EMCN: variants seen among roughly 807,000 people sequenced by gnomAD.
The protein encoded by EMCN is MUC-14.
EMCN carries 37 observed loss-of-function variants against 38.4 expected under a neutral mutation model. The observed-to-expected ratio is 0.96, with a 90% CI of 0.74 to 1.27. The LOEUF is 1.27. Among genes scored for constraint, EMCN ranks in the 50% most tolerant of loss-of-function variants. The pLI is 0.00. For synonymous variants in EMCN, 95 were observed against 100.8 expected (o/e 0.94, Z 0.35); for missense variants, 318 against 302.8 (o/e 1.05, Z -0.37).
intron 9 of EMCN, among the ~76,000 whole-genome samples, 198 bp from the exon 10 acceptor site, chr4:100,416,157 C>A (rs147953054): frequency 2.3e-4 from 35 of 151,728 alleles, no homozygotes; most frequent in Admixed American, 1.6e-3. Context: ...TTTGTCTTTT[C>A]ACATACAAAT....
At chr4:100,398,555 G>GA (rs1319270026) in intron 11 of EMCN, among the ~76,000 whole-genome samples, 182 bp from the exon 12 acceptor site, 1 of 152,024 alleles carries the variant, frequency 6.6e-6, no homozygotes, top group Admixed American at 6.6e-5. Context: ...TGACATATCT[G>GA]AAAAGAAAAG....
chr4:100,425,149 G>GCGCACACACACACA (rs1553927262), intron 5 of EMCN, among the ~76,000 whole-genome samples: 1 of 141,140 alleles, frequency 7.1e-6, no homozygotes, highest in African/African-American at 2.7e-5. Context: ...TCTGAATCCA[G>GCGCACACACACACA]CACACACACA....
intron 11 of EMCN, among the ~76,000 whole-genome samples, chr4:100,408,192 C>T (rs1011641376): frequency 2.0e-5 from 3 of 152,148 alleles, no homozygotes; most frequent in Admixed American, 2.0e-4. Flanking sequence ...ATCTTCATTG[C>T]CATCCAGATT....
intron 11 of EMCN, among the ~76,000 whole-genome samples, chr4:100,402,183 T>G (rs1414717107): frequency 2.0e-5 from 3 of 152,146 alleles, no homozygotes; most frequent in Non-Finnish European, 1.5e-5. Flanking sequence ...AAGGCAAGGT[T>G]TATAGCTCAT....
At chr4:100,465,711 T>G (rs182892853) in intron 3 of EMCN, among the ~76,000 whole-genome samples, 172 bp from the exon 4 acceptor site, 79 of 152,316 alleles carry the variant, frequency 5.2e-4, no homozygotes, top group African/African-American at 1.7e-3. Context: ...ATTAATTACT[T>G]TAAAGAATGT....
chr4:100,503,246 A>C (rs1007260126), intron 1 of EMCN, among the ~76,000 whole-genome samples: 3 of 152,154 alleles, frequency 2.0e-5, no homozygotes, highest in African/African-American at 7.2e-5. Context: ...TTTAAGGCCT[A>C]CCGAAGTTTT....
intron 5 of EMCN, among the ~76,000 whole-genome samples, chr4:100,429,771 A>G (rs542768950): frequency 6.6e-6 from 1 of 152,156 alleles, no homozygotes; most frequent in Non-Finnish European, 1.5e-5. Context: ...GCACTGTGCT[A>G]ATTAATTCCA....
chr4:100,442,914 A>G (rs887374387), intron 5 of EMCN, among the ~76,000 whole-genome samples: 2 of 152,136 alleles, frequency 1.3e-5, no homozygotes, highest in Non-Finnish European at 2.9e-5. Context: ...CAGTGGTGCA[A>G]TCTTGGCTCA....
At chr4:100,482,995 C>G (rs1046296375) in intron 1 of EMCN, among the ~76,000 whole-genome samples, 2 of 152,030 alleles carry the variant, frequency 1.3e-5, no homozygotes, top group Non-Finnish European at 2.9e-5. Flanking sequence ...ACATATTTGG[C>G]CCCTGATTTC....
Position 100,397,219 on chromosome 4 carries a change from G to A in EMCN, c.*1194C>T, listed in dbSNP as rs1207429486. 4 of 152,042 alleles carry A rather than the reference G, an allele frequency of 2.6e-5. No homozygotes were observed. The highest frequency in any genetic ancestry group is 1.3e-4 in the Admixed American group (2 of 15,256). The allele number at this position is 152,042 out of a possible 1,614,324, so 9.4% of individuals were successfully genotyped here. On this transcript the variant is annotated 3_prime_UTR_variant, in exon 12 of 12. Coordinates refer to ENST00000296420, the MANE Select transcript of EMCN (RefSeq NM_016242.4). ...TCAAAATCAGCTTAGATAATCATACGTTACAAAGCTGCCACCAGCAGCTTA... is the reference window on the plus strand; with the variant it reads ...TCAAAATCAGCTTAGATAATCATACATTACAAAGCTGCCACCAGCAGCTTA...
At chr4:100,431,803 C>T (rs1727211006) in intron 5 of EMCN, among the ~76,000 whole-genome samples, 2 of 152,012 alleles carry the variant, frequency 1.3e-5, no homozygotes, top group African/African-American at 4.8e-5. Context: ...CTATTTCTCT[C>T]TCTCTCTCTC....
At chr4:100,403,152 T>C (rs1158603383) in intron 11 of EMCN, among the ~76,000 whole-genome samples, 2 of 152,096 alleles carry the variant, frequency 1.3e-5, no homozygotes, top group Non-Finnish European at 2.9e-5. Flanking sequence ...TCATAGGGGT[T>C]TGGCGTTCAG....
chr4:100,455,077 C>A (rs2110251710), intron 4 of EMCN, among the ~76,000 whole-genome samples: 1 of 152,146 alleles, frequency 6.6e-6, no homozygotes, highest in East Asian at 1.9e-4. Context: ...AGTACACAAT[C>A]TGATTGTAAA....
Position 100,516,863 on chromosome 4 carries a change from T to C in EMCN, c.64+988A>G, listed in dbSNP as rs190417924. 6.5e-3 allele frequency among the ~76,000 whole-genome samples: 982 copies of C among 152,122 alleles called. 10 individuals are homozygous for C. The highest frequency in any genetic ancestry group is 0.022 in the African/African-American group (931 of 41,522). ...TTAGAAATGAATGTTTTTGTTTTTT[T>C]CCCCCCAAGACCCCTCAGAGTCTGA... On this transcript the variant is annotated intron_variant, in intron 1 of 11. Transcript: ENST00000296420.
chr4:100,465,273 A>T (rs1728283436), intron 4 of EMCN, 150 bp downstream of exon 4: 1 of 471,344 alleles, frequency 2.1e-6, no homozygotes, highest in Non-Finnish European at 3.8e-6. Context: ...GTAAAAGATG[A>T]GGCTGCCAAA....
chr4:100,501,901 A>G (rs1417800674), intron 1 of EMCN, among the ~76,000 whole-genome samples: 1 of 151,616 alleles, frequency 6.6e-6, no homozygotes, highest in Non-Finnish European at 1.5e-5. Context: ...TTAAACAATC[A>G]TGTTTACATG....
chr4:100,410,079 C>T (rs1229249378), intron 11 of EMCN, among the ~76,000 whole-genome samples: 1 of 152,192 alleles, frequency 6.6e-6, no homozygotes, highest in African/African-American at 2.4e-5. Flanking sequence ...GAGAATTGGA[C>T]AAATCGTCTA....
chr4:100,409,975 GT>G (rs1726504086), intron 11 of EMCN, among the ~76,000 whole-genome samples: 1 of 152,234 alleles, frequency 6.6e-6, no homozygotes, highest in Non-Finnish European at 1.5e-5. Flanking sequence ...CACAGTTAGT[GT>G]GTGCTTACTG....
At chr4:100,407,361 G>A (rs1390841766) in intron 11 of EMCN, among the ~76,000 whole-genome samples, 2 of 152,142 alleles carry the variant, frequency 1.3e-5, no homozygotes, top group African/African-American at 4.8e-5. Flanking sequence ...GCCAGTAATG[G>A]TCTTTCATTT....
Sources: gnomAD v4.1 joint callset for allele counts (sites outside exome capture counted in the v4.1 genomes callset) on GRCh38, gnomAD v4.1.1 for gene constraint, MANE v1.5 for transcripts, NCBI Gene and HGNC (gene_info 2026-07-23, HGNC 2026-07-21) for gene names.